DNAH3: variants seen among roughly 807,000 people sequenced by gnomAD.
DNAH3 encodes the protein dynein axonemal heavy chain 3.
In DNAH3, 332 loss-of-function variants were observed where a neutral mutation model predicts 432.5. The observed-to-expected ratio is 0.77, with a 90% CI of 0.70 to 0.84. DNAH3 has a LOEUF of 0.84. DNAH3 is among the 40% of genes least tolerant of loss of function. The probability of loss-of-function intolerance (pLI) is 0.00; values close to 1 mark genes in which losing one functional copy is unlikely to be tolerated. For missense variants in DNAH3, 4,861 were observed against 5,114.0 expected (o/e 0.95, Z 1.51); for synonymous variants, 1,956 against 1,900.2 (o/e 1.03, Z -0.76).
rs761348422 is a variant in DNAH3 at position 20,963,544 on chromosome 16, T to G, written c.10340A>C (p.Lys3447Thr). 2.7e-5 allele frequency: 43 copies of G among 1,614,094 alleles called. No homozygotes were observed. The South Asian group carries it at 4.7e-4, about 18-fold the overall frequency. Reference sequence around the variant, plus strand: ...GGGCCAGGCCGAGTCATAGATCAGCTTCCATTCACCCAGGTTCTGTTCCAA... The same window carrying G: ...GGGCCAGGCCGAGTCATAGATCAGCGTCCATTCACCCAGGTTCTGTTCCAA... Residue 3447 changes from lysine to threonine, a missense_variant, in exon 53 of 62, where the codon AAG becomes ACG. Coordinates refer to ENST00000261383, the Ensembl canonical transcript of DNAH3.
chr16:20,948,295 A>ACC (rs3216894), intron 57 of DNAH3, among the ~76,000 whole-genome samples, 188 bp downstream of exon 57: 34 of 151,566 alleles, frequency 2.2e-4, no homozygotes, highest in Non-Finnish European at 2.9e-5. Flanking sequence ...CCAAATACCG[A>ACC]CCCCCTCCTT....
intron 21 of DNAH3, among the ~76,000 whole-genome samples, chr16:21,072,814 A>AATTATT (rs10592697): frequency 0.044 from 6,472 of 146,378 alleles, 191 homozygotes; most frequent in Middle Eastern, 0.076. Flanking sequence ...ATACTCAGCT[A>AATTATT]ATTATTATTA....
chr16:20,989,861 C>T (rs1259812591), intron 44 of DNAH3, among the ~76,000 whole-genome samples: 1 of 152,248 alleles, frequency 6.6e-6, no homozygotes, highest in Non-Finnish European at 1.5e-5. Flanking sequence ...GGACCCAGTA[C>T]ACCCTCCGCA....
chr16:20,945,949 T>C (rs2084026755), intron 57 of DNAH3, among the ~76,000 whole-genome samples: 1 of 152,284 alleles, frequency 6.6e-6, no homozygotes, highest in African/African-American at 2.4e-5. Context: ...GAAACCCCAG[T>C]TTCCTTATCT....
chr16:21,011,878 T>C (rs1047946024), intron 41 of DNAH3, among the ~76,000 whole-genome samples: 2 of 152,218 alleles, frequency 1.3e-5, no homozygotes, highest in East Asian at 3.8e-4. Flanking sequence ...TTATTTAACA[T>C]TTCCTACATA....
chr16:21,106,561 A>C (rs1246140761), exon 15 of DNAH3: 6 of 1,612,336 alleles, frequency 3.7e-6, no homozygotes, highest in Non-Finnish European at 5.1e-6. Context: ...CCTGAGTTTG[A>C]ACACAGTGAC....
At chr16:21,078,323 T>A (rs2091052303) in intron 20 of DNAH3, among the ~76,000 whole-genome samples, 1 of 147,432 alleles carries the variant, frequency 6.8e-6, no homozygotes, top group Non-Finnish European at 1.5e-5. Context: ...ACTGTTCATA[T>A]GTGTTCAATC....
exon 14 of DNAH3, chr16:21,111,739 G>C (rs1279590222): frequency 5.6e-6 from 9 of 1,613,814 alleles, no homozygotes; most frequent in Non-Finnish European, 7.6e-6. Context: ...GGCAGAACAT[G>C]GCTAAAGGCA....
chr16:21,128,888 T>C (rs1597445559), intron 7 of DNAH3, among the ~76,000 whole-genome samples: 1 of 147,992 alleles, frequency 6.8e-6, no homozygotes, highest in Non-Finnish European at 1.5e-5. Flanking sequence ...AAAAAAAGCT[T>C]GTGGAGCCAA....
At chr16:21,123,536 T>C (rs2092387634) in intron 9 of DNAH3, among the ~76,000 whole-genome samples, 2 of 152,214 alleles carry the variant, frequency 1.3e-5, no homozygotes, top group African/African-American at 4.8e-5. Context: ...TAGATTGGTC[T>C]TCTTTAGAGA....
At chr16:21,141,153 T>G in intron 4 of DNAH3, 147 bp downstream of exon 5, 1 of 662,548 alleles carries the variant, frequency 1.5e-6, no homozygotes, top group East Asian at 2.9e-5. Flanking sequence ...AAAAAAATTT[T>G]TTTTTTGATT....
rs1470181506 is a variant in DNAH3, at chr16:20,964,801, C to G, written c.9083G>C (p.Cys3028Ser). The G allele has an allele frequency of 3.9e-5, 63 of 1,614,160 alleles. No individual in the cohort carries two copies. In the East Asian group the frequency reaches 1.4e-3, roughly 35 times the overall value. ...GAAGCCAGGGATGACCTTGTCCTTA[C>G]ATTCAGCCAACCACTGATTTTGGCA... Residue 3028 changes from cysteine (C) to serine (S), a missense_variant, in exon 53 of 62, where the codon TGT (cysteine) becomes TCT (serine). Coordinates refer to ENST00000261383, the Ensembl canonical transcript of DNAH3.
intron 59 of DNAH3, among the ~76,000 whole-genome samples, chr16:20,939,846 C>A (rs1193096241): frequency 6.6e-6 from 1 of 152,188 alleles, no homozygotes; most frequent in Non-Finnish European, 1.5e-5. Context: ...TTGAGACCTA[C>A]ATCAAATCAC....
At chr16:21,079,777 G>GT (rs2091114530) in intron 20 of DNAH3, among the ~76,000 whole-genome samples, 1 of 152,214 alleles carries the variant, frequency 6.6e-6, no homozygotes, top group South Asian at 2.1e-4. Flanking sequence ...AAACCTAAGG[G>GT]TTTTTATCCT....
intron 56 of DNAH3, among the ~76,000 whole-genome samples, chr16:20,950,890 A>T (rs1473773205): frequency 2.0e-5 from 3 of 152,028 alleles, no homozygotes; most frequent in Admixed American, 2.0e-4. Context: ...TGGTGTGATC[A>T]TAGCTCACTA....
At chr16:20,976,810 C>T (rs909531065) in intron 50 of DNAH3, among the ~76,000 whole-genome samples, 13 of 152,170 alleles carry the variant, frequency 8.5e-5, no homozygotes, top group East Asian at 1.9e-4. Flanking sequence ...AAAAGGCAGC[C>T]GTCTGCAAAC....
chr16:21,111,714 G>C, exon 14 of DNAH3: 1 of 1,614,020 alleles, frequency 6.2e-7, no homozygotes, highest in Non-Finnish European at 8.5e-7. Context: ...TCATGATTTA[G>C]GGCCGTAGCA....
intron 52 of DNAH3, among the ~76,000 whole-genome samples, chr16:20,966,095 T>C (rs2085051365): frequency 7.8e-6 from 1 of 127,586 alleles, no homozygotes; most frequent in East Asian, 2.5e-4. Flanking sequence ...TGGAGTGCAA[T>C]GGTGCGACCT....
chr16:21,097,222 G>A lies in DNAH3; in HGVS notation c.2665+133C>T, dbSNP rs117743555. ...ACATCAGATAATTTTGACTGTGGCT[G>A]CCTTAATCTGGAGTGTCAGAATCTG... On this transcript the variant is annotated intron_variant, in intron 18 of 61. Transcript: ENST00000261383. 72 of 1,039,494 alleles carry A rather than the reference G, an allele frequency of 6.9e-5. No homozygotes were observed. The East Asian group carries it at 1.7e-3, about 25-fold the overall frequency. 64.4% of individuals were successfully genotyped at this position (1,039,494 alleles called of 1,614,324 possible).
Sources: allele counts gnomAD v4.1 joint callset (sites outside exome capture counted in the v4.1 genomes callset), GRCh38; gene constraint gnomAD v4.1.1; transcripts MANE v1.5; gene names NCBI Gene and HGNC (gene_info 2026-07-23, HGNC 2026-07-21).